Variants in INTS2 observed in about 807,000 individuals in gnomAD.
INTS2 encodes the protein integrator complex subunit 2, also known as KIAA1287.
INTS2 carries 57 observed loss-of-function variants against 139.6 expected under a neutral mutation model. The ratio of observed to expected loss-of-function variants is 0.41; its 90% CI spans 0.33 to 0.51. The LOEUF (loss-of-function observed/expected upper bound fraction) is 0.51, where lower values mean the gene tolerates loss of function less well. Ranked by LOEUF, INTS2 falls within the 20% of genes least tolerant of loss-of-function variation. The probability of loss-of-function intolerance (pLI) is 0.28; values close to 1 mark genes in which losing one functional copy is unlikely to be tolerated. For synonymous variants in INTS2, 473 were observed against 493.4 expected (o/e 0.96, Z 0.55); for missense variants, 1,196 against 1,436.7 (o/e 0.83, Z 2.71).
At chr17:61,892,145 G>A (rs1289008629) in intron 13 of INTS2, among the ~76,000 whole-genome samples, 1 of 152,148 alleles carries the variant, frequency 6.6e-6, no homozygotes, top group Non-Finnish European at 1.5e-5. Context: ...TGGAGGACAT[G>A]TAAAATGTTG....
chr17:61,921,823 G>C lies in INTS2; in HGVS notation c.437C>G (p.Ser146Cys), dbSNP rs750477359. The C allele has an allele frequency of 1.9e-6, 3 of 1,542,204 alleles. No homozygotes were observed. The highest frequency in any genetic ancestry group is 1.2e-5 in the South Asian group (1 of 83,586). The change falls in exon 4 of 25, where the codon TCT (serine) becomes TGT (cysteine). Residue 146 changes from serine (S) to cysteine (C), a missense_variant. Around this residue, in one of 3 missense-constraint regions of INTS2, gnomAD observed 1,129 missense variants for 1,341.9 expected, o/e 0.84. Transcript: ENST00000251334. Reference sequence around the variant, plus strand: ...GAAAAAAAATTCTCCGTTGGACTCAGACACCTTAAAAAAGAAAAAAAAAAG... The same window carrying C: ...GAAAAAAAATTCTCCGTTGGACTCACACACCTTAAAAAAGAAAAAAAAAAG... Reference protein sequence around the residue: ...SELLAIMNKVSESNGEFFFKS... With the variant: ...SELLAIMNKVCESNGEFFFKS...
In INTS2 at chr17:61,922,944, G is replaced by C. The variant is rs569666113; in HGVS notation, c.433-1117C>G. ...AATACAAAAATTAGCAGGCATGGTGGCGGGTGCCTGTAATTCTAGCTACTC... is the reference window on the plus strand; with the variant it reads ...AATACAAAAATTAGCAGGCATGGTGCCGGGTGCCTGTAATTCTAGCTACTC... On this transcript the variant is annotated intron_variant, in intron 3 of 24. Transcript: ENST00000251334. 2.0e-5 allele frequency among the ~76,000 whole-genome samples: 3 copies of C among 151,362 alleles called. No homozygotes were observed. In the South Asian group the frequency reaches 6.3e-4, roughly 32 times the overall value.
intron 15 of INTS2, among the ~76,000 whole-genome samples, chr17:61,885,885 C>T (rs1163971937): frequency 5.3e-5 from 8 of 151,560 alleles, no homozygotes; most frequent in Admixed American, 5.3e-4. Flanking sequence ...CCCACCACCA[C>T]GCCCATCTAA....
Position 61,907,422 on chromosome 17 carries a change from C to A in INTS2, c.1167G>T (p.Gly389=). 6.3e-7 allele frequency: 1 copy of A among 1,587,822 alleles called. No individual in the cohort carries two copies. The highest frequency in any genetic ancestry group is 8.6e-7 in the Non-Finnish European group (1 of 1,166,628). Residue 389 remains glycine (G), a synonymous_variant, in exon 8 of 25, where the codon GGG becomes GGT. Transcript: ENST00000251334. ...ALLRLYCALM[G]IAGLKPTEEE... is the part of the protein sequence containing the mutation. ...CTATTGAATACTTGAGTCCAGCGATCCCCATCAAAGCACAGTACAGACGTA... is the reference window on the plus strand; with the variant it reads ...CTATTGAATACTTGAGTCCAGCGATACCCATCAAAGCACAGTACAGACGTA...
intron 7 of INTS2, 119 bp from the exon 8 acceptor site, chr17:61,907,753 C>T (rs563709961): frequency 1.4e-5 from 10 of 712,496 alleles, no homozygotes; most frequent in African/African-American, 1.1e-4. Context: ...AAGAGATTGT[C>T]GTGACTACAG....
intron 9 of INTS2, among the ~76,000 whole-genome samples, chr17:61,901,583 T>C (rs1401005102): frequency 3.1e-5 from 1 of 32,422 alleles, no homozygotes; most frequent in Non-Finnish European, 1.1e-4. Context: ...ATTTCTTTTT[T>C]TTTTTTTTTT....
chr17:61,896,924 A>G (rs1333141337), intron 11 of INTS2, among the ~76,000 whole-genome samples: 1 of 152,190 alleles, frequency 6.6e-6, no homozygotes, highest in African/African-American at 2.4e-5. Flanking sequence ...TTATCCTAAG[A>G]AAATAATCCA....
chr17:61,924,099 A>C (rs1236537747), intron 3 of INTS2, among the ~76,000 whole-genome samples: 2 of 152,232 alleles, frequency 1.3e-5, no homozygotes, highest in Non-Finnish European at 2.9e-5. Context: ...TAGTGTAAAG[A>C]AGCACTTTGG....
At chr17:61,903,768 C>T (rs896916968) in intron 9 of INTS2, among the ~76,000 whole-genome samples, 6 of 151,508 alleles carry the variant, frequency 4.0e-5, no homozygotes, top group African/African-American at 1.5e-4. Flanking sequence ...ATATATTGAT[C>T]TAATCTAAAT....
chr17:61,899,089 T>C (rs961718632), intron 9 of INTS2, among the ~76,000 whole-genome samples: 2 of 152,224 alleles, frequency 1.3e-5, no homozygotes, highest in Admixed American at 1.3e-4. Context: ...ACCTAAACCA[T>C]ATAACAAATA....
chr17:61,911,363 G>T, intron 7 of INTS2, 157 bp downstream of exon 7: 1 of 514,616 alleles, frequency 1.9e-6, no homozygotes, highest in Non-Finnish European at 3.3e-6. Context: ...AAAGCTCTTT[G>T]GTATCCTTAG....
intron 12 of INTS2, 186 bp from the exon 13 acceptor site, chr17:61,894,085 T>G (rs754834437): frequency 3.3e-4 from 130 of 392,432 alleles, no homozygotes; most frequent in Non-Finnish European, 5.3e-4. Flanking sequence ...TAGGGATTTA[T>G]ATAATTCCCT....
chr17:61,889,944 C>A, intron 14 of INTS2, 50 bp from the exon 15 acceptor site: 1 of 1,024,850 alleles, frequency 9.8e-7, no homozygotes, highest in Non-Finnish European at 1.4e-6. Context: ...TTCACGAGTG[C>A]TTTTTTTTTT....
At chr17:61,916,996 T>C (rs1209594531) in intron 5 of INTS2, among the ~76,000 whole-genome samples, 1 of 151,816 alleles carries the variant, frequency 6.6e-6, no homozygotes, top group Non-Finnish European at 1.5e-5. Flanking sequence ...CAGATACTTC[T>C]CAAAAGAAGA....
chr17:61,883,378 C>T (rs617712), intron 16 of INTS2, among the ~76,000 whole-genome samples: 150,732 of 151,754 alleles, frequency 0.99, 74,865 homozygotes, highest in Non-Finnish European at 1. Flanking sequence ...TATACAAAGA[C>T]ATAAGTAAAT....
chr17:61,898,289 G>C (rs2079369751), intron 9 of INTS2, among the ~76,000 whole-genome samples: 1 of 152,014 alleles, frequency 6.6e-6, no homozygotes, highest in South Asian at 2.1e-4. Context: ...ATGAAAAATG[G>C]CTATAAAAAT....
intron 8 of INTS2, 99 bp from the exon 9 acceptor site, chr17:61,904,684 T>C (rs1372582086): frequency 1.3e-5 from 13 of 983,980 alleles, no homozygotes; most frequent in Non-Finnish European, 1.6e-5. Flanking sequence ...AACTTTATAA[T>C]GGTATCTTGC....
chr17:61,926,389 C>T lies in INTS2; in HGVS notation c.256G>A (p.Ala86Thr). The T allele has an allele frequency of 6.2e-7, 1 of 1,610,244 alleles. No homozygotes were observed. The highest frequency in any genetic ancestry group is 8.5e-7 in the Non-Finnish European group (1 of 1,176,882). The change falls in exon 2 of 25, where the codon GCT (alanine) becomes ACT (threonine). Residue 86 changes from alanine to threonine, a missense_variant. By Grantham distance (58) the Ala-to-Thr change is moderately conservative. This residue lies in a region of INTS2 where 1,129 missense variants were observed against 1,341.9 expected (regional missense o/e 0.84). Transcript: ENST00000251334. ...IVALLSVDFHALEQDASKEQQ... is the reference protein window; with the variant it reads ...IVALLSVDFHTLEQDASKEQQ... Reference sequence around the variant, plus strand: ...TCTTTGCTGGCATCTTGTTCTAAAGCATGAAAGTCCACGGACAACAATGCA... The same window carrying T: ...TCTTTGCTGGCATCTTGTTCTAAAGTATGAAAGTCCACGGACAACAATGCA...
intron 5 of INTS2, among the ~76,000 whole-genome samples, chr17:61,912,557 G>A (rs2079538397): frequency 6.6e-6 from 1 of 152,088 alleles, no homozygotes. Flanking sequence ...GGGAGGTGGA[G>A]GTTGCAGTGA....
Sources: allele counts gnomAD v4.1 joint callset (sites outside exome capture counted in the v4.1 genomes callset), GRCh38; gene constraint gnomAD v4.1.1; regional missense constraint gnomAD v4.1.1; transcripts MANE v1.5; gene names NCBI Gene and HGNC (gene_info 2026-07-23, HGNC 2026-07-21).